The following TBCD variants were observed in gnomAD, a reference collection of about 807,000 sequenced individuals.
TBCD encodes tubulin-specific chaperone D.
A neutral mutation model predicts 169.3 loss-of-function variants in TBCD; 105 were observed. That is an observed-to-expected ratio of 0.62 (90% confidence interval 0.53 to 0.73). The LOEUF (loss-of-function observed/expected upper bound fraction) is 0.73. TBCD is among the 30% of genes least tolerant of loss of function. The pLI is 0.00. For synonymous variants in TBCD, 700 were observed against 643.9 expected (o/e 1.09, Z -1.32); for missense variants, 1,444 against 1,600.1 (o/e 0.90, Z 1.66).
chr17:82,804,494 T>C (rs1371839346), intron 9 of TBCD, among the ~76,000 whole-genome samples: 1 of 152,212 alleles, frequency 6.6e-6, no homozygotes, highest in Non-Finnish European at 1.5e-5. Context: ...TCCTGAGGCT[T>C]CTTGAAGGCG....
chr17:82,938,571 G>A (rs1298763151), intron 36 of TBCD, among the ~76,000 whole-genome samples: 1 of 152,250 alleles, frequency 6.6e-6, no homozygotes, highest in African/African-American at 2.4e-5. Flanking sequence ...GTAACTTCAT[G>A]TTGTATGGTG....
At chr17:82,838,659 A>T (rs189576844) in intron 13 of TBCD, 1 of 985,306 alleles carries the variant, frequency 1.0e-6, no homozygotes, top group Non-Finnish European at 1.2e-6. Flanking sequence ...CCAGTGATTG[A>T]CTGCCACTCC....
intron 2 of TBCD, among the ~76,000 whole-genome samples, chr17:82,762,745 T>C (rs1281892834): frequency 6.7e-6 from 1 of 150,252 alleles, no homozygotes; most frequent in Non-Finnish European, 1.5e-5. Context: ...TGAGACTCTG[T>C]CTCCAAAAAA....
chr17:82,753,081 C>G (rs561013621), intron 1 of TBCD, among the ~76,000 whole-genome samples: 1 of 152,192 alleles, frequency 6.6e-6, no homozygotes. Context: ...TCCTTAGGAG[C>G]TCATAGCTAA....
rs545094365 is a variant in TBCD, at chr17:82,932,733, G to A, written c.3189G>A (p.Glu1063=). The A allele has an allele frequency of 2.7e-5, 43 of 1,613,872 alleles. No homozygotes were observed. In the South Asian group the frequency reaches 4.7e-4, roughly 18 times the overall value. Residue 1063 remains glutamate (E), a splice_region_variant and synonymous_variant, in exon 34 of 39, where the codon GAG becomes GAA. Transcript: ENST00000355528. ...HGCFDIFTTE[E]DHPFAVKLLA... ...GCTTCGACATCTTCACCACGGAGGA[G>A]GAGTGAGGCTCTGCTTTTCATGACT... is the stretch of plus-strand genomic sequence containing the variant.
In TBCD at chr17:82,822,791, G is replaced by C. The variant is rs541473477; in HGVS notation, c.1318+7857G>C. On this transcript the variant is annotated intron_variant, in intron 13 of 38. Coordinates refer to ENST00000355528, the MANE Select transcript of TBCD (RefSeq NM_005993.5). ...TGTTCTATTCAGTGAAAGAGAGTGAGATAGTAAGGTCAGTGAGTGACATGT... is the reference window on the plus strand; with the variant it reads ...TGTTCTATTCAGTGAAAGAGAGTGACATAGTAAGGTCAGTGAGTGACATGT... Among the ~76,000 whole-genome samples, 7 of 152,356 alleles carry C rather than the reference G, an allele frequency of 4.6e-5. 1 individual carries two copies. The South Asian group carries it at 1.4e-3, about 32-fold the overall frequency.
intron 13 of TBCD, among the ~76,000 whole-genome samples, chr17:82,819,176 A>C (rs1283053353): frequency 6.6e-6 from 1 of 152,232 alleles, no homozygotes; most frequent in Non-Finnish European, 1.5e-5. Context: ...GGAAATGTGG[A>C]GCTTCATTGG....
chr17:82,935,890 G>C (rs1178725842), intron 34 of TBCD, among the ~76,000 whole-genome samples: 1 of 152,218 alleles, frequency 6.6e-6, no homozygotes, highest in Non-Finnish European at 1.5e-5. Flanking sequence ...CACTCCCTTG[G>C]ATTTCCTCGA....
chr17:82,877,432 G>A (rs11654704), intron 14 of TBCD, among the ~76,000 whole-genome samples: 41,518 of 151,856 alleles, frequency 0.27, 6,239 homozygotes, highest in Admixed American at 0.35. Context: ...TGCAATCTCC[G>A]CCTCCTGGGT....
intron 18 of TBCD, among the ~76,000 whole-genome samples, chr17:82,901,076 C>G (rs1234827578): frequency 6.6e-6 from 1 of 152,250 alleles, no homozygotes; most frequent in Non-Finnish European, 1.5e-5. Flanking sequence ...CCCGCTGACT[C>G]TGCTCCATGT....
At position 82,831,263 on chromosome 17, in the gene TBCD, A is replaced by G. The variant is rs550682860; in HGVS notation, c.1318+16329A>G. 47 of 1,613,400 alleles carry G rather than the reference A, an allele frequency of 2.9e-5. No homozygotes were observed. In the African/African-American group the frequency reaches 5.7e-4, roughly 20 times the overall value. ...CTCCCTGCGCGGGGGCTCATTTTGG[A>G]CCCTTCCGTGTCTCTCTGCCCAGCC... On this transcript the variant is annotated intron_variant, in intron 13 of 38. Transcript: ENST00000355528. This position sits in a 1 kb window ranked among gnomAD's most constrained non-coding sequence, Gnocchi z 4.6.
chr17:82,765,652 C>T (rs930764649), intron 3 of TBCD, among the ~76,000 whole-genome samples: 9 of 152,176 alleles, frequency 5.9e-5, no homozygotes, highest in Non-Finnish European at 8.8e-5. Flanking sequence ...AGGATTTCTC[C>T]GGAAGGCGTG....
intron 17 of TBCD, among the ~76,000 whole-genome samples, chr17:82,898,457 C>G (rs2059644234): frequency 6.6e-6 from 1 of 152,206 alleles, no homozygotes; most frequent in Admixed American, 6.5e-5. Flanking sequence ...TGAGCAGAGG[C>G]TTCGTTTTCT....
intron 14 of TBCD, among the ~76,000 whole-genome samples, chr17:82,877,294 T>C (rs2058044060): frequency 6.6e-6 from 1 of 152,206 alleles, no homozygotes; most frequent in African/African-American, 2.4e-5. Flanking sequence ...TTCTATGCAT[T>C]CTGAAAAGAT....
chr17:82,782,351 G>C lies in TBCD; in HGVS notation c.771+630G>C, dbSNP rs567347133. ...CAGCTCCCTGGTCAGCCTTCTGGAG[G>C]GGGAGCCGGCAGCCGGCTGTGGCCT... On this transcript the variant is annotated intron_variant, in intron 7 of 38. Coordinates refer to ENST00000355528, the MANE Select transcript of TBCD (RefSeq NM_005993.5). This position sits in a 1 kb window ranked among gnomAD's most constrained non-coding sequence, Gnocchi z 5.1. Among the ~76,000 whole-genome samples the C allele has an allele frequency of 4.4e-4, 67 of 152,310 alleles. No homozygotes were observed. Among genetic ancestry groups the C allele is most frequent in the Non-Finnish European group, 7.6e-4 (52 of 68,026 alleles).
intron 7 of TBCD, among the ~76,000 whole-genome samples, chr17:82,788,219 C>G (rs2049447686): frequency 1.3e-5 from 2 of 152,136 alleles, no homozygotes; most frequent in Non-Finnish European, 2.9e-5. Context: ...GCCTGGGCAA[C>G]AGAGCAAGAC....
intron 6 of TBCD, among the ~76,000 whole-genome samples, chr17:82,776,454 T>C (rs954161388): frequency 6.6e-6 from 1 of 152,178 alleles, no homozygotes; most frequent in East Asian, 1.9e-4. Flanking sequence ...GAAAAAGATA[T>C]ATAGGTAATT....
chr17:82,932,598 C>T, intron 33 of TBCD, 60 bp from the exon 34 acceptor site: 2 of 1,420,538 alleles, frequency 1.4e-6, no homozygotes, highest in Non-Finnish European at 2.0e-6. Flanking sequence ...CTCAGCCATT[C>T]AGGGAGTTGG....
intron 7 of TBCD, among the ~76,000 whole-genome samples, chr17:82,791,472 G>A (rs376871152): frequency 7.7e-4 from 118 of 152,262 alleles, no homozygotes; most frequent in Middle Eastern, 6.8e-3. Context: ...TGGAAGGTGC[G>A]TGGGCTCGCT....
Sources: gnomAD v4.1 joint callset for allele counts (sites outside exome capture counted in the v4.1 genomes callset) on GRCh38, gnomAD v4.1.1 for gene constraint, Gnocchi (gnomAD v3.1) non-coding constraint, MANE v1.5 for transcripts, NCBI Gene and HGNC (gene_info 2026-07-23, HGNC 2026-07-21) for gene names.